MAST2: variants seen among roughly 807,000 people sequenced by gnomAD.
MAST2 encodes the protein microtubule associated serine/threonine kinase 2.
In MAST2, 70 loss-of-function variants were observed where a neutral mutation model predicts 147.4. The observed-to-expected ratio is 0.47, with a 90% CI of 0.39 to 0.58. The LOEUF (loss-of-function observed/expected upper bound fraction) is 0.58. Ranked by LOEUF, MAST2 falls within the 20% of genes least tolerant of loss-of-function variation. The pLI, the probability that MAST2 is intolerant of heterozygous loss-of-function variation, is 0.00. For missense variants in MAST2, 2,080 were observed against 2,302.3 expected, an observed-to-expected ratio of 0.90 and a Z score of 1.98; for synonymous variants, 869 against 896.8, an observed-to-expected ratio of 0.97 and a Z score of 0.55.
In MAST2 at chr1:45,821,474, A is replaced by G. The variant is rs75271919; in HGVS notation, c.178-2959A>G. On this transcript the variant is annotated intron_variant, in intron 1 of 28. Transcript: ENST00000361297. ...GAGCTTCTTGGATGTGTAGATTTGT[A>G]TCTGTCATCACATTTGGGAAGTTTT... Among the ~76,000 whole-genome samples the G allele has an allele frequency of 1.6e-3, 220 of 140,198 alleles. 1 individual carries two copies. The highest frequency in any genetic ancestry group is 8.3e-3 in the South Asian group (37 of 4,442). The allele number at this position is 140,198 out of a possible 152,430, so 92.0% of individuals were successfully genotyped here.
At chr1:45,934,186 C>T (rs755025416) in intron 4 of MAST2, among the ~76,000 whole-genome samples, 104 of 152,186 alleles carry the variant, frequency 6.8e-4, no homozygotes, top group Non-Finnish European at 1.3e-3. Context: ...TTTTCTGTTC[C>T]TGCATTAATT....
At chr1:45,848,544 G>A (rs1645517347) in intron 3 of MAST2, among the ~76,000 whole-genome samples, 1 of 152,162 alleles carries the variant, frequency 6.6e-6, no homozygotes, top group Non-Finnish European at 1.5e-5. Context: ...ACTTCACTGG[G>A]AGCGAACTCT....
Position 45,959,497 on chromosome 1 carries a change from G to A in MAST2, c.592+20G>A, listed in dbSNP as rs1249254222. ...ACACAGGTGAGTGCTTGAAGGTTAA[G>A]AAAGGTTGAATGAAAGAGTGGCCAC... is the stretch of plus-strand genomic sequence containing the variant. On this transcript the variant is annotated intron_variant, in intron 5 of 28. Coordinates refer to ENST00000361297, the MANE Select transcript of MAST2 (RefSeq NM_015112.3). 1.9e-6 allele frequency: 3 copies of A among 1,607,052 alleles called. No individual in the cohort carries two copies. The highest frequency in any genetic ancestry group is 8.5e-7 in the Non-Finnish European group (1 of 1,174,838).
intron 5 of MAST2, among the ~76,000 whole-genome samples, chr1:45,979,718 C>T (rs1644322357): frequency 6.6e-6 from 1 of 152,144 alleles, no homozygotes; most frequent in South Asian, 2.1e-4. Flanking sequence ...ACCTGTAGCT[C>T]CTGCTCCTCA....
At chr1:46,015,605 C>T (rs1358033844) in intron 10 of MAST2, among the ~76,000 whole-genome samples, 1 of 152,114 alleles carries the variant, frequency 6.6e-6, no homozygotes, top group East Asian at 1.9e-4. Context: ...GACACATACA[C>T]CCTCCCAAGA....
intron 4 of MAST2, among the ~76,000 whole-genome samples, chr1:45,902,886 A>G (rs1204730535): frequency 6.6e-6 from 1 of 151,860 alleles, no homozygotes; most frequent in Non-Finnish European, 1.5e-5. Flanking sequence ...TGGTTAATCT[A>G]CCTAGCAGTT....
rs2149338234 is a variant in MAST2, at chr1:46,031,486, C to G, written c.3088C>G (p.Leu1030Val). ...GGCTGTGCGTAGGGCCCGCCACCGG[C>G]TGCTCTCTGGGGACTCAACAGAGAA... ...DLAVRRARHR[L>V]LSGDSTEKRT... Residue 1030 changes from leucine to valine, a missense_variant, in exon 24 of 29, where the codon CTG becomes GTG. Transcript: ENST00000361297. The surrounding 1 kb of genome is among the most constrained non-coding windows in gnomAD (Gnocchi z 4.1). 6.2e-7 allele frequency: 1 copy of G among 1,614,182 alleles called. No homozygotes were observed. The highest frequency in any genetic ancestry group is 2.2e-5 in the East Asian group (1 of 44,876).
At chr1:45,978,326 C>T (rs1194419182) in intron 5 of MAST2, among the ~76,000 whole-genome samples, 1 of 152,166 alleles carries the variant, frequency 6.6e-6, no homozygotes, top group Non-Finnish European at 1.5e-5. Flanking sequence ...CCAGCCTGGC[C>T]AACAGGGCAA....
intron 7 of MAST2, among the ~76,000 whole-genome samples, chr1:46,005,412 T>C (rs2149208055): frequency 6.6e-6 from 1 of 151,834 alleles, no homozygotes; most frequent in East Asian, 1.9e-4. Context: ...TAAATAGAAC[T>C]TGGGCTGGCC....
intron 3 of MAST2, among the ~76,000 whole-genome samples, chr1:45,845,417 A>G (rs1645400620): frequency 6.6e-6 from 1 of 152,218 alleles, no homozygotes; most frequent in Admixed American, 6.5e-5. Context: ...ACTGTTAACA[A>G]GACTTAGTTG....
intron 4 of MAST2, among the ~76,000 whole-genome samples, chr1:45,893,305 A>T (rs1311963122): frequency 6.6e-6 from 1 of 152,128 alleles, no homozygotes; most frequent in Non-Finnish European, 1.5e-5. Context: ...GGCTCAAGCG[A>T]TCCTCCTGTT....
At chr1:45,887,269 T>C (rs1337157610) in intron 4 of MAST2, among the ~76,000 whole-genome samples, 1 of 152,258 alleles carries the variant, frequency 6.6e-6, no homozygotes, top group African/African-American at 2.4e-5. Flanking sequence ...ATTTTCCTCA[T>C]ATTTCATGAA....
chr1:45,894,594 A>C (rs1434281050), intron 4 of MAST2, among the ~76,000 whole-genome samples: 1 of 152,204 alleles, frequency 6.6e-6, no homozygotes, highest in African/African-American at 2.4e-5. Context: ...GGATGGCAGT[A>C]AACAGTAAAC....
chr1:45,825,878 A>G (rs1410911999), intron 2 of MAST2, among the ~76,000 whole-genome samples: 1 of 151,416 alleles, frequency 6.6e-6, no homozygotes, highest in Non-Finnish European at 1.5e-5. Flanking sequence ...GGAGTTCAAG[A>G]CCAGCCTGGC....
At chr1:45,842,608 C>T (rs1645312473) in intron 3 of MAST2, among the ~76,000 whole-genome samples, 1 of 152,164 alleles carries the variant, frequency 6.6e-6, no homozygotes, top group Non-Finnish European at 1.5e-5. Context: ...GGATGTTCAT[C>T]CACATTCTAG....
At chr1:45,959,162 T>C (rs1403890226) in intron 4 of MAST2, among the ~76,000 whole-genome samples, 2 of 152,142 alleles carry the variant, frequency 1.3e-5, no homozygotes, top group African/African-American at 4.8e-5. Flanking sequence ...ACAGTGGCAA[T>C]ACAAGATGAA....
chr1:45,859,994 C>A (rs1254936793), intron 3 of MAST2, among the ~76,000 whole-genome samples: 1 of 152,076 alleles, frequency 6.6e-6, no homozygotes, highest in Admixed American at 6.6e-5. Context: ...GTTACGTCTC[C>A]TTCCTGGGTC....
rs942087731 is a variant in MAST2 at position 45,835,561 on chromosome 1, C to T, written c.468+5980C>T. Among the ~76,000 whole-genome samples the T allele has an allele frequency of 7.9e-5, 12 of 152,124 alleles. 1 individual carries two copies. The highest frequency in any genetic ancestry group is 6.2e-4 in the South Asian group (3 of 4,826). On this transcript the variant is annotated intron_variant, in intron 3 of 28. Transcript: ENST00000361297. Reference sequence around the variant, plus strand: ...TCAGTTCTCATGTTGAATATGATGTCATTTTGGGTGCCATATTATTATTGA... The same window carrying T: ...TCAGTTCTCATGTTGAATATGATGTTATTTTGGGTGCCATATTATTATTGA...
At chr1:45,892,914 T>C (rs762693206) in intron 4 of MAST2, among the ~76,000 whole-genome samples, 1 of 152,228 alleles carries the variant, frequency 6.6e-6, no homozygotes, top group Non-Finnish European at 1.5e-5. Flanking sequence ...TTACATCTGA[T>C]TTAGAAAACA....
Sources: gnomAD v4.1 joint callset for allele counts (sites outside exome capture counted in the v4.1 genomes callset) on GRCh38, gnomAD v4.1.1 for gene constraint, Gnocchi (gnomAD v3.1) non-coding constraint, MANE v1.5 for transcripts, NCBI Gene and HGNC (gene_info 2026-07-23, HGNC 2026-07-21) for gene names.